The following ARHGAP39 variants were observed in gnomAD, a reference collection of about 807,000 sequenced individuals.
ARHGAP39 encodes rho GTPase-activating protein 39.
ARHGAP39 carries 44 observed loss-of-function variants against 106.9 expected under a neutral mutation model. The observed-to-expected ratio is 0.41, with a 90% CI of 0.32 to 0.53. The LOEUF is 0.53. Ranked by LOEUF, ARHGAP39 falls within the 20% of genes least tolerant of loss-of-function variation. ARHGAP39 has a pLI of 0.21. For missense variants in ARHGAP39, 1,496 were observed against 1,577.3 expected, an observed-to-expected ratio of 0.95 and a Z score of 0.87; for synonymous variants, 768 against 693.2, an observed-to-expected ratio of 1.11 and a Z score of -1.69.
intron 3 of ARHGAP39, among the ~76,000 whole-genome samples, chr8:144,567,332 G>C (rs886620282): frequency 6.6e-6 from 1 of 152,214 alleles, no homozygotes; most frequent in African/African-American, 2.4e-5. Context: ...ACAAGAGTGC[G>C]AGCCTTCTGT....
At chr8:144,627,281 C>T (rs938960464) in intron 1 of ARHGAP39, among the ~76,000 whole-genome samples, 3 of 152,250 alleles carry the variant, frequency 2.0e-5, no homozygotes, top group African/African-American at 7.2e-5. Context: ...ACTGGCCGGG[C>T]GCGGTGGCTC....
chr8:144,599,798 G>A (rs556477401), intron 2 of ARHGAP39, among the ~76,000 whole-genome samples: 1 of 152,346 alleles, frequency 6.6e-6, no homozygotes, highest in South Asian at 2.1e-4. Context: ...GTGCACATGA[G>A]GGAATGCAAA....
intron 1 of ARHGAP39, among the ~76,000 whole-genome samples, chr8:144,659,329 G>A (rs568289665): frequency 3.4e-4 from 52 of 152,328 alleles, no homozygotes; most frequent in African/African-American, 9.6e-4. Flanking sequence ...CTCCCAACAC[G>A]TGCTGGGAAG....
chr8:144,549,922 G>T (rs900227574), intron 4 of ARHGAP39, among the ~76,000 whole-genome samples: 2 of 152,134 alleles, frequency 1.3e-5, no homozygotes, highest in African/African-American at 2.4e-5. Context: ...GCTTTTAAAC[G>T]CATTGTCTTA....
chr8:144,576,480 G>GCC (rs1469621752), intron 3 of ARHGAP39, among the ~76,000 whole-genome samples: 2 of 152,132 alleles, frequency 1.3e-5, no homozygotes, highest in African/African-American at 4.8e-5. Context: ...CAGAGAGTGG[G>GCC]CCCTGAGCCA....
chr8:144,554,318 C>T (rs928444021), intron 4 of ARHGAP39, among the ~76,000 whole-genome samples: 1 of 152,206 alleles, frequency 6.6e-6, no homozygotes, highest in African/African-American at 2.4e-5. Flanking sequence ...CGACCCACCC[C>T]CTACTCCTGA....
intron 4 of ARHGAP39, among the ~76,000 whole-genome samples, chr8:144,551,524 G>A (rs1817689784): frequency 6.6e-6 from 1 of 152,194 alleles, no homozygotes; most frequent in African/African-American, 2.4e-5. Flanking sequence ...ACTCTCCCCA[G>A]GCCACGCAGC....
chr8:144,574,510 A>G (rs1198005098), intron 3 of ARHGAP39, among the ~76,000 whole-genome samples: 2 of 152,142 alleles, frequency 1.3e-5, no homozygotes, highest in African/African-American at 2.4e-5. Flanking sequence ...CTCTACTAAA[A>G]ATACAAAAAC....
intron 9 of ARHGAP39, 149 bp from the exon 10 acceptor site, chr8:144,532,545 C>T (rs565585303): frequency 3.6e-5 from 24 of 664,718 alleles, no homozygotes; most frequent in African/African-American, 2.9e-4. Flanking sequence ...GCCTCTTTCC[C>T]ACGAACGTGG....
chr8:144,535,180 A>G (rs1397419771), intron 7 of ARHGAP39, among the ~76,000 whole-genome samples: 1 of 152,166 alleles, frequency 6.6e-6, no homozygotes, highest in African/African-American at 2.4e-5. Flanking sequence ...TTGAAGGAGC[A>G]GTTTCTGGTG....
intron 1 of ARHGAP39, among the ~76,000 whole-genome samples, chr8:144,637,532 C>A (rs1468200198): frequency 6.6e-6 from 1 of 152,208 alleles, no homozygotes; most frequent in East Asian, 1.9e-4. Context: ...ATCGCTTCAA[C>A]CCGGGAGGCA....
intron 1 of ARHGAP39, among the ~76,000 whole-genome samples, chr8:144,622,632 A>G (rs946240324): frequency 2.0e-5 from 3 of 152,252 alleles, no homozygotes; most frequent in African/African-American, 7.2e-5. Flanking sequence ...CTGTCAGAGT[A>G]AACTATGCAG....
At chr8:144,690,389 A>G (rs986679244), upstream of ARHGAP39, among the ~76,000 whole-genome samples, 3 of 152,160 alleles carry the variant, frequency 2.0e-5, no homozygotes, top group African/African-American at 7.2e-5. Context: ...TACAGGCGTG[A>G]GCCACTGCAA....
chr8:144,656,153 T>C (rs1320816413), intron 1 of ARHGAP39, among the ~76,000 whole-genome samples: 11 of 142,548 alleles, frequency 7.7e-5, no homozygotes, highest in African/African-American at 2.9e-4. Context: ...AAAACTTGAA[T>C]ATGTAAAATG....
At chr8:144,546,970 G>A (rs930793875) in intron 5 of ARHGAP39, among the ~76,000 whole-genome samples, 157 bp downstream of exon 5, 5 of 152,178 alleles carry the variant, frequency 3.3e-5, no homozygotes, top group Non-Finnish European at 2.9e-5. Flanking sequence ...CTGACAGCCC[G>A]CTGGAGTGCC....
At chr8:144,632,208 G>A (rs1314126397) in intron 1 of ARHGAP39, among the ~76,000 whole-genome samples, 2 of 152,204 alleles carry the variant, frequency 1.3e-5, no homozygotes, top group African/African-American at 4.8e-5. Flanking sequence ...TCCATGCACT[G>A]TGAGTACACA....
At chr8:144,538,407 C>A (rs552282961) in intron 6 of ARHGAP39, among the ~76,000 whole-genome samples, 13 of 152,350 alleles carry the variant, frequency 8.5e-5, no homozygotes, top group African/African-American at 2.9e-4. Flanking sequence ...GTGCCACACT[C>A]TGTAGGAGGA....
intron 4 of ARHGAP39, among the ~76,000 whole-genome samples, chr8:144,550,316 T>G (rs1359250806): frequency 6.7e-6 from 1 of 149,622 alleles, no homozygotes; most frequent in African/African-American, 2.5e-5. Flanking sequence ...CCCCAGGAAT[T>G]TGGCCAGGTG....
In ARHGAP39 at chr8:144,537,713, G is replaced by A; in HGVS notation, c.2614+8C>T. On this transcript the variant is annotated splice_region_variant and intron_variant, in intron 7 of 11. Coordinates refer to ENST00000377307, the MANE Select transcript of ARHGAP39 (RefSeq NM_025251.3). ...GCCGCGCCCAGGGGCTGCGGGGAGA[G>A]GCCCTACCATCCGGCTCTTCAACAT... is the stretch of plus-strand genomic sequence containing the variant. The A allele has an allele frequency of 6.2e-7, 1 of 1,613,430 alleles. No homozygotes were observed. Among genetic ancestry groups the A allele is most frequent in the African/African-American group, 1.3e-5 (1 of 75,012 alleles).
Sources: gnomAD v4.1 joint callset for allele counts (sites outside exome capture counted in the v4.1 genomes callset) on GRCh38, gnomAD v4.1.1 for gene constraint, MANE v1.5 for transcripts, NCBI Gene and HGNC (gene_info 2026-07-23, HGNC 2026-07-21) for gene names.